The following EYA4 variants were observed in gnomAD, a reference collection of about 807,000 sequenced individuals.
The protein encoded by EYA4 is protein phosphatase EYA4.
EYA4 carries 31 observed loss-of-function variants against 87.9 expected under a neutral mutation model. The ratio of observed to expected loss-of-function variants is 0.35; its 90% confidence interval spans 0.27 to 0.48. The LOEUF is 0.48. Ranked by LOEUF, EYA4 falls within the 20% of genes least tolerant of loss-of-function variation. The pLI is 0.99. For synonymous variants in EYA4, 263 were observed against 270.6 expected (o/e 0.97, Z 0.28); for missense variants, 678 against 761.4 (o/e 0.89, Z 1.29).
intron 3 of EYA4, among the ~76,000 whole-genome samples, chr6:133,389,079 T>C (rs1333334934): frequency 6.6e-6 from 1 of 152,132 alleles, no homozygotes; most frequent in Non-Finnish European, 1.5e-5. Context: ...CTTACCTACA[T>C]CATTTCAAAT....
At chr6:133,345,419 A>G (rs553909595) in intron 2 of EYA4, among the ~76,000 whole-genome samples, 1 of 152,310 alleles carries the variant, frequency 6.6e-6, no homozygotes, top group South Asian at 2.1e-4. Context: ...GCATAGACAT[A>G]TGTACACAAA....
At chr6:133,296,759 C>G (rs188205602) in intron 2 of EYA4, among the ~76,000 whole-genome samples, 1 of 152,114 alleles carries the variant, frequency 6.6e-6, no homozygotes, top group East Asian at 1.9e-4. Flanking sequence ...TCTCCTTTTT[C>G]ATTCATCATC....
At chr6:133,431,101 G>C (rs1388889270) in intron 3 of EYA4, among the ~76,000 whole-genome samples, 1 of 152,128 alleles carries the variant, frequency 6.6e-6, no homozygotes, top group East Asian at 1.9e-4. Context: ...ACAAACAGCA[G>C]GTTAGACTGG....
intron 2 of EYA4, among the ~76,000 whole-genome samples, chr6:133,316,580 G>A (rs1263021177): frequency 2.6e-5 from 4 of 152,030 alleles, no homozygotes; most frequent in Non-Finnish European, 1.5e-5. Flanking sequence ...CACGACTGTC[G>A]TTTTCTTCTT....
intron 3 of EYA4, among the ~76,000 whole-genome samples, chr6:133,417,089 T>G (rs1014980): frequency 0.086 from 13,036 of 152,274 alleles, 743 homozygotes; most frequent in Admixed American, 0.16. Flanking sequence ...ATGTTTTTGA[T>G]GTGTCATTTG....
rs34581301 is a variant in EYA4, at chr6:133,287,287, A to G, written c.33+12474A>G. On this transcript the variant is annotated intron_variant, in intron 2 of 19. Transcript: ENST00000355286. The stretch of plus-strand genomic sequence containing the variant: ...TGCTATCAGCATGGAAAATGTGTTC[A>G]ATAAAAGACAAGAAAGGAATTATAG... Among the ~76,000 whole-genome samples the G allele has an allele frequency of 6.9e-3, 1,053 of 152,360 alleles. 8 individuals are homozygous for G. The highest frequency in any genetic ancestry group is 0.012 in the Non-Finnish European group (799 of 68,034).
At chr6:133,435,739 T>C (rs1015069223) in intron 3 of EYA4, among the ~76,000 whole-genome samples, 1 of 152,260 alleles carries the variant, frequency 6.6e-6, no homozygotes, top group African/African-American at 2.4e-5. Flanking sequence ...CATGTCCTAC[T>C]AATTTTCATA....
At position 133,325,205 on chromosome 6, in the gene EYA4, G is replaced by C. The variant is rs112510307; in HGVS notation, c.33+50392G>C. 88 of 152,374 alleles carry C rather than the reference G, an allele frequency of 5.8e-4. No individual in the cohort carries two copies. In the Middle Eastern group the frequency reaches 0.017, roughly 29 times the overall value. 9.4% of individuals were successfully genotyped at this position (152,374 alleles called of 1,614,324 possible). A position where few individuals can be genotyped will look rare whatever the true frequency, so the allele number is the denominator to read the frequency against. ...CAGCCTCAAAAACTATTTTGATAGA[G>C]GTGGTGTAATCTTCTAAAGCCAGCT... is the stretch of plus-strand genomic sequence containing the variant. On this transcript the variant is annotated intron_variant, in intron 2 of 19. Coordinates refer to ENST00000355286, the MANE Select transcript of EYA4 (RefSeq NM_004100.5).
intron 11 of EYA4, among the ~76,000 whole-genome samples, chr6:133,476,854 T>TC (rs1452999868): frequency 6.6e-6 from 1 of 152,034 alleles, no homozygotes; most frequent in African/African-American, 2.4e-5. Context: ...TTTGGTGGTG[T>TC]CCCCATCCAA....
chr6:133,390,072 G>C (rs1787124272), intron 3 of EYA4, among the ~76,000 whole-genome samples: 1 of 152,160 alleles, frequency 6.6e-6, no homozygotes, highest in Non-Finnish European at 1.5e-5. Context: ...AGTAGACAGA[G>C]TATATACAGA....
At chr6:133,331,398 G>A (rs512268) in intron 2 of EYA4, among the ~76,000 whole-genome samples, 126,886 of 152,128 alleles carry the variant, frequency 0.83, 53,424 homozygotes, top group African/African-American at 0.95. Context: ...ACCTACTGAT[G>A]CCTAGTGAAT....
At chr6:133,367,325 T>C (rs566486227) in intron 2 of EYA4, among the ~76,000 whole-genome samples, 3 of 152,030 alleles carry the variant, frequency 2.0e-5, no homozygotes, top group Admixed American at 1.3e-4. Flanking sequence ...GTGCTAAGAG[T>C]TATGGAGAGG....
At chr6:133,466,842 T>A (rs1794890182) in intron 10 of EYA4, among the ~76,000 whole-genome samples, 1 of 151,448 alleles carries the variant, frequency 6.6e-6, no homozygotes, top group Non-Finnish European at 1.5e-5. Context: ...TTTGCAGAGA[T>A]AGGCGGGGGC....
chr6:133,366,586 C>T (rs117552044), intron 2 of EYA4, among the ~76,000 whole-genome samples: 67 of 152,326 alleles, frequency 4.4e-4, no homozygotes, highest in Non-Finnish European at 4.9e-4. Context: ...GTGAGTTTGT[C>T]AGCCTTAATA....
At chr6:133,324,941 C>T (rs578163450) in intron 2 of EYA4, among the ~76,000 whole-genome samples, 3 of 120,750 alleles carry the variant, frequency 2.5e-5, no homozygotes, top group African/African-American at 1.0e-4. Context: ...GACAGAGTCT[C>T]GCCCTGTCCC....
intron 2 of EYA4, among the ~76,000 whole-genome samples, chr6:133,298,741 A>T (rs192097415): frequency 1.6e-4 from 24 of 152,326 alleles, no homozygotes; most frequent in South Asian, 1.5e-3. Context: ...GGCTCAGAGG[A>T]TATACTTTTA....
chr6:133,346,763 G>A (rs2128417139), intron 2 of EYA4, among the ~76,000 whole-genome samples: 1 of 151,708 alleles, frequency 6.6e-6, no homozygotes, highest in African/African-American at 2.4e-5. Context: ...AGCAGAATGA[G>A]GATTTCATGT....
intron 17 of EYA4, among the ~76,000 whole-genome samples, chr6:133,520,017 C>A (rs1799968175): frequency 6.6e-6 from 1 of 152,032 alleles, no homozygotes; most frequent in Non-Finnish European, 1.5e-5. Context: ...GACAAACCCA[C>A]AGCCAATATC....
chr6:133,484,935 G>A (rs966303127), intron 13 of EYA4, among the ~76,000 whole-genome samples: 1 of 152,046 alleles, frequency 6.6e-6, no homozygotes, highest in African/African-American at 2.4e-5. Context: ...ATCCTTTTGT[G>A]GTCATTTTGA....
Sources: allele counts gnomAD v4.1 joint callset (sites outside exome capture counted in the v4.1 genomes callset), GRCh38; gene constraint gnomAD v4.1.1; transcripts MANE v1.5; gene names NCBI Gene and HGNC (gene_info 2026-07-23, HGNC 2026-07-21).